RBFOX1: variants seen among roughly 807,000 people sequenced by gnomAD.
The protein encoded by RBFOX1 is RNA binding protein fox-1 homolog 1.
Under a neutral mutation model 57.7 loss-of-function variants are expected in RBFOX1, and 8 were observed. The ratio of observed to expected loss-of-function variants is 0.14; its 90% CI spans 0.08 to 0.25. The LOEUF is 0.25. Ranked by LOEUF, RBFOX1 falls within the 10% of genes least tolerant of loss-of-function variation. RBFOX1 has a pLI of 1.00. For missense variants in RBFOX1, 611 were observed against 548.5 expected, an observed-to-expected ratio of 1.11 and a Z score of -1.14; for synonymous variants, 326 against 222.4, an observed-to-expected ratio of 1.47 and a Z score of -4.15.
At chr16:5,668,583 C>G (rs998732001) in intron 3 of RBFOX1, among the ~76,000 whole-genome samples, 1 of 152,196 alleles carries the variant, frequency 6.6e-6, no homozygotes, top group African/African-American at 2.4e-5. Flanking sequence ...GATTAAACTG[C>G]AGCCTGGGAA....
At chr16:5,746,634 C>G (rs984902282) in intron 3 of RBFOX1, among the ~76,000 whole-genome samples, 1 of 152,134 alleles carries the variant, frequency 6.6e-6, no homozygotes, top group Admixed American at 6.5e-5. Flanking sequence ...GTTTGTAGTT[C>G]TCCTTGAAGA....
At chr16:6,907,946 G>T (rs1428393587) in intron 3 of RBFOX1, among the ~76,000 whole-genome samples, 1 of 151,648 alleles carries the variant, frequency 6.6e-6, no homozygotes, top group Non-Finnish European at 1.5e-5. Context: ...CCACCTGCAT[G>T]TTTACATAGA....
At chr16:6,357,160 T>G (rs1467423271) in intron 2 of RBFOX1, among the ~76,000 whole-genome samples, 1 of 152,076 alleles carries the variant, frequency 6.6e-6, no homozygotes, top group African/African-American at 2.4e-5. Flanking sequence ...GGCACTCAGC[T>G]GCTGCTACAG....
intron 4 of RBFOX1, among the ~76,000 whole-genome samples, chr16:7,114,127 T>A (rs1567310238): frequency 6.6e-6 from 1 of 152,194 alleles, no homozygotes; most frequent in Non-Finnish European, 1.5e-5. Context: ...CTGAAACCTC[T>A]TGAGTTTTTA....
chr16:7,370,770 C>G (rs913555980), intron 4 of RBFOX1, among the ~76,000 whole-genome samples: 1 of 152,198 alleles, frequency 6.6e-6, no homozygotes, highest in Non-Finnish European at 1.5e-5. Flanking sequence ...GCTTTCTGAA[C>G]ATTCATGCAT....
chr16:7,172,258 G>A (rs2080845483), intron 4 of RBFOX1, among the ~76,000 whole-genome samples: 1 of 151,886 alleles, frequency 6.6e-6, no homozygotes, highest in Non-Finnish European at 1.5e-5. Context: ...CCACCATAGG[G>A]TTTTCAAACC....
At chr16:7,411,902 CAAAAA>C (rs60700135) in intron 4 of RBFOX1, among the ~76,000 whole-genome samples, 55 of 95,394 alleles carry the variant, frequency 5.8e-4, no homozygotes, top group South Asian at 1.2e-3. Flanking sequence ...AAACTCCTTT[CAAAAA>C]AAAAAAAAAA....
At chr16:5,473,573 A>G (rs554244348) in intron 2 of RBFOX1, among the ~76,000 whole-genome samples, 1 of 149,402 alleles carries the variant, frequency 6.7e-6, no homozygotes, top group Admixed American at 6.7e-5. Context: ...AAGAGTGGGT[A>G]GATGAATGGA....
chr16:7,333,142 T>C, intron 4 of RBFOX1: 1 of 1,529,974 alleles, frequency 6.5e-7, no homozygotes, highest in South Asian at 1.1e-5. Context: ...CTCAGAGTAA[T>C]AATTGGAATT....
chr16:5,695,623 C>T (rs532980383), intron 3 of RBFOX1, among the ~76,000 whole-genome samples: 6 of 152,140 alleles, frequency 3.9e-5, no homozygotes, highest in Non-Finnish European at 7.4e-5. Flanking sequence ...ATGCAATCAT[C>T]GGTAATAACA....
chr16:5,995,338 A>T (rs1321168712), intron 4 of RBFOX1, among the ~76,000 whole-genome samples: 1 of 152,234 alleles, frequency 6.6e-6, no homozygotes, highest in Admixed American at 6.5e-5. Context: ...TAAATACCTG[A>T]ATAGGGCAAC....
At chr16:7,529,622 C>T (rs546020878) in intron 5 of RBFOX1, among the ~76,000 whole-genome samples, 13 of 152,242 alleles carry the variant, frequency 8.5e-5, no homozygotes, top group Non-Finnish European at 1.5e-4. Flanking sequence ...TTTCTGGGTT[C>T]TCCTGTTCAC....
Position 6,325,464 on chromosome 16 carries a change from C to T in RBFOX1, c.-64+8407C>T, listed in dbSNP as rs563345343. ...GTGAAATCTTTGTATTTATCATTATCGTTCACCGGTTACCAACTGAAGAAA... is the reference window on the plus strand; with the variant it reads ...GTGAAATCTTTGTATTTATCATTATTGTTCACCGGTTACCAACTGAAGAAA... On this transcript the variant is annotated intron_variant, in intron 2 of 15. Transcript: ENST00000550418. Among the ~76,000 whole-genome samples, 12 of 152,334 alleles carry T rather than the reference C, an allele frequency of 7.9e-5. No homozygotes were observed. In the East Asian group the frequency reaches 9.6e-4, roughly 12 times the overall value.
intron 3 of RBFOX1, among the ~76,000 whole-genome samples, chr16:5,862,474 G>C (rs1324920114): frequency 1.3e-5 from 2 of 152,122 alleles, no homozygotes; most frequent in East Asian, 3.9e-4. Flanking sequence ...AGGCAGGGAT[G>C]GGGTGACCTG....
At chr16:5,801,417 A>G (rs1404817739) in intron 3 of RBFOX1, among the ~76,000 whole-genome samples, 1 of 151,928 alleles carries the variant, frequency 6.6e-6, no homozygotes, top group African/African-American at 2.4e-5. Flanking sequence ...CCTTGTAGGA[A>G]AACAAATTTC....
chr16:7,554,863 T>C (rs2087822954), intron 5 of RBFOX1, among the ~76,000 whole-genome samples: 1 of 152,076 alleles, frequency 6.6e-6, no homozygotes, highest in African/African-American at 2.4e-5. Context: ...AAAATAGAAG[T>C]TGAAAATACT....
intron 2 of RBFOX1, among the ~76,000 whole-genome samples, chr16:6,560,356 C>T (rs1352155547): frequency 1.6e-5 from 2 of 124,982 alleles, no homozygotes; most frequent in African/African-American, 2.7e-5. Context: ...TGGAAGAATC[C>T]ATTGCAATTT....
intron 1 of RBFOX1, among the ~76,000 whole-genome samples, chr16:6,096,930 C>T (rs546590335): frequency 6.6e-6 from 1 of 152,288 alleles, no homozygotes; most frequent in Admixed American, 6.5e-5. Context: ...TTAATGACGG[C>T]TCACCCCTCT....
chr16:7,380,635 C>A (rs987061465), intron 4 of RBFOX1, among the ~76,000 whole-genome samples: 2 of 152,230 alleles, frequency 1.3e-5, no homozygotes, highest in East Asian at 1.9e-4. Flanking sequence ...ACGCTGGCAG[C>A]AGCTCACACC....
Sources: gnomAD v4.1 joint callset for allele counts (sites outside exome capture counted in the v4.1 genomes callset) on GRCh38, gnomAD v4.1.1 for gene constraint, MANE v1.5 for transcripts, NCBI Gene and HGNC (gene_info 2026-07-23, HGNC 2026-07-21) for gene names.